The following GALNT17 variants were observed in gnomAD, a reference collection of about 807,000 sequenced individuals.
The protein encoded by GALNT17 is polypeptide N-acetylgalactosaminyltransferase 17, also known as UDP-GalNAc:polypeptide N-acetylgalactosaminyltransferase-like 3.
In GALNT17, 29 loss-of-function variants were observed where a neutral mutation model predicts 63.7. That is an observed-to-expected ratio of 0.46 (90% CI 0.34 to 0.62). The LOEUF (loss-of-function observed/expected upper bound fraction) is 0.62. GALNT17 is among the 20% of genes least tolerant of loss of function. GALNT17 has a pLI of 0.01. For synonymous variants in GALNT17, 305 were observed against 318.3 expected (o/e 0.96, Z 0.45); for missense variants, 603 against 799.6 (o/e 0.75, Z 2.97).
intron 1 of GALNT17, among the ~76,000 whole-genome samples, chr7:71,142,080 G>A (rs1036669102): frequency 2.0e-5 from 3 of 151,090 alleles, no homozygotes; most frequent in Non-Finnish European, 4.4e-5. Context: ...ATGTTGGCCA[G>A]CCCTGTCTTG....
At chr7:71,185,639 C>G (rs2116325397) in intron 1 of GALNT17, among the ~76,000 whole-genome samples, 1 of 151,526 alleles carries the variant, frequency 6.6e-6, no homozygotes, top group Non-Finnish European at 1.5e-5. Context: ...TCCCGAGTAG[C>G]TGGGACTACA....
intron 3 of GALNT17, among the ~76,000 whole-genome samples, chr7:71,413,684 T>C (rs1027528700): frequency 5.3e-5 from 8 of 152,048 alleles, no homozygotes; most frequent in African/African-American, 1.7e-4. Flanking sequence ...CTTAACTCGA[T>C]TGTAAGCATC....
At chr7:71,207,110 A>C (rs1353231407) in intron 1 of GALNT17, among the ~76,000 whole-genome samples, 2 of 144,936 alleles carry the variant, frequency 1.4e-5, no homozygotes, top group Non-Finnish European at 3.0e-5. Flanking sequence ...TGTCTCAAAG[A>C]AAAAAAAAAA....
intron 6 of GALNT17, among the ~76,000 whole-genome samples, chr7:71,641,770 A>G (rs747801452): frequency 1.3e-5 from 2 of 152,110 alleles, no homozygotes. Flanking sequence ...ATAATGCACA[A>G]ATGAATATAG....
chr7:71,613,275 AGAT>A (rs1790151299), intron 6 of GALNT17, among the ~76,000 whole-genome samples: 1 of 152,248 alleles, frequency 6.6e-6, no homozygotes, highest in African/African-American at 2.4e-5. Flanking sequence ...AGCAAAAGGT[AGAT>A]GATTTACTTT....
At chr7:71,617,065 AATTTT>A (rs1422618138) in intron 6 of GALNT17, among the ~76,000 whole-genome samples, 1 of 147,530 alleles carries the variant, frequency 6.8e-6, no homozygotes, top group African/African-American at 2.5e-5. Context: ...TGCCACATAT[AATTTT>A]ATTATATATG....
At chr7:71,495,742 G>A (rs1788083761) in intron 5 of GALNT17, among the ~76,000 whole-genome samples, 1 of 152,178 alleles carries the variant, frequency 6.6e-6, no homozygotes, top group East Asian at 1.9e-4. Flanking sequence ...GCTTGAATTG[G>A]GCATCGTAAT....
At chr7:71,681,167 C>T (rs1308326612) in intron 9 of GALNT17, among the ~76,000 whole-genome samples, 1 of 152,178 alleles carries the variant, frequency 6.6e-6, no homozygotes, top group Non-Finnish European at 1.5e-5. Flanking sequence ...TCCCAGAGTG[C>T]TGGGATTACA....
intron 5 of GALNT17, among the ~76,000 whole-genome samples, chr7:71,459,947 T>TC (rs1273714247): frequency 1.3e-5 from 2 of 152,216 alleles, no homozygotes; most frequent in Non-Finnish European, 2.9e-5. Flanking sequence ...CAACCAGTTG[T>TC]CAACTAGAAA....
At chr7:71,266,349 T>A (rs1922511) in intron 1 of GALNT17, among the ~76,000 whole-genome samples, 2 of 151,954 alleles carry the variant, frequency 1.3e-5, no homozygotes, top group African/African-American at 4.8e-5. Context: ...GGGAGCGGAC[T>A]TCCCCCTTAC....
At chr7:71,509,523 T>C (rs1410498767) in intron 5 of GALNT17, among the ~76,000 whole-genome samples, 2 of 152,258 alleles carry the variant, frequency 1.3e-5, no homozygotes, top group Non-Finnish European at 1.5e-5. Context: ...CAAGTGGGTA[T>C]AATTATCTCT....
intron 6 of GALNT17, among the ~76,000 whole-genome samples, chr7:71,591,320 T>G (rs1182084776): frequency 1.3e-5 from 2 of 152,062 alleles, no homozygotes; most frequent in Admixed American, 1.3e-4. Flanking sequence ...CCTCCCAGAG[T>G]GCTGGGATTA....
rs915985479 is a variant in GALNT17 at position 71,548,197 on chromosome 7, G to A, written c.963-23088G>A. Among the ~76,000 whole-genome samples, 7 of 150,372 alleles carry A rather than the reference G, an allele frequency of 4.7e-5. No homozygotes were observed. In the East Asian group the frequency reaches 5.8e-4, roughly 13 times the overall value. On this transcript the variant is annotated intron_variant, in intron 5 of 10. Coordinates refer to ENST00000333538, the MANE Select transcript of GALNT17 (RefSeq NM_022479.3). ...GTAGAGGTTGCAATGAGCCAAAATCGCACCATTCCACTCCAGCCTGGGCAA... is the reference window on the plus strand; with the variant it reads ...GTAGAGGTTGCAATGAGCCAAAATCACACCATTCCACTCCAGCCTGGGCAA...
At chr7:71,490,286 A>G (rs1042925957) in intron 5 of GALNT17, among the ~76,000 whole-genome samples, 8 of 151,830 alleles carry the variant, frequency 5.3e-5, no homozygotes, top group Non-Finnish European at 1.0e-4. Context: ...ATGATCTGGA[A>G]CAGTACTCAT....
chr7:71,575,110 A>C (rs1240085350), intron 6 of GALNT17, among the ~76,000 whole-genome samples: 1 of 152,102 alleles, frequency 6.6e-6, no homozygotes, highest in African/African-American at 2.4e-5. Context: ...TAATATACAC[A>C]AGGCACTTCT....
chr7:71,166,617 T>C (rs1000865506), intron 1 of GALNT17, among the ~76,000 whole-genome samples: 2 of 152,216 alleles, frequency 1.3e-5, no homozygotes, highest in African/African-American at 2.4e-5. Context: ...GCACATATTC[T>C]TTTTTGTCTG....
intron 1 of GALNT17, among the ~76,000 whole-genome samples, chr7:71,303,916 T>G (rs1310620973): frequency 6.6e-6 from 1 of 152,194 alleles, no homozygotes; most frequent in Non-Finnish European, 1.5e-5. Context: ...AGGCAAGTAT[T>G]TTAAAAACAA....
chr7:71,212,179 G>C (rs2116394734), intron 1 of GALNT17, among the ~76,000 whole-genome samples: 1 of 152,332 alleles, frequency 6.6e-6, no homozygotes, highest in East Asian at 1.9e-4. Flanking sequence ...GCAGCCTGGG[G>C]ACCTGGTGCC....
intron 1 of GALNT17, among the ~76,000 whole-genome samples, chr7:71,201,880 G>A (rs1303723899): frequency 1.3e-5 from 2 of 152,026 alleles, no homozygotes; most frequent in Non-Finnish European, 2.9e-5. Context: ...TGATCCACCC[G>A]CCTCTGCCTC....
Sources: allele counts gnomAD v4.1 joint callset (sites outside exome capture counted in the v4.1 genomes callset), GRCh38; gene constraint gnomAD v4.1.1; transcripts MANE v1.5; gene names NCBI Gene and HGNC (gene_info 2026-07-23, HGNC 2026-07-21).